RAB37: variants seen among roughly 807,000 people sequenced by gnomAD.
The protein encoded by RAB37 is RAB37, member RAS oncogene family, also known as ras-related protein Rab-37.
Under a neutral mutation model 33.1 loss-of-function variants are expected in RAB37, and 29 were observed. The observed-to-expected ratio is 0.88, with a 90% CI of 0.65 to 1.20. RAB37 has a LOEUF of 1.20. RAB37 is among the 50% of genes most tolerant of loss of function. RAB37 has a pLI of 0.00. For missense variants in RAB37, 299 were observed against 301.1 expected, an observed-to-expected ratio of 0.99 and a Z score of 0.05; for synonymous variants, 128 against 119.5, an observed-to-expected ratio of 1.07 and a Z score of -0.47.
chr17:74,714,370 G>A (rs1254451856), intron 1 of RAB37, among the ~76,000 whole-genome samples: 1 of 151,108 alleles, frequency 6.6e-6, no homozygotes, highest in Non-Finnish European at 1.5e-5. Context: ...TCCAGCCTGG[G>A]CAACAGAGCA....
intron 1 of RAB37, chr17:74,698,714 G>T: frequency 9.6e-7 from 1 of 1,043,054 alleles, no homozygotes; most frequent in African/African-American, 1.6e-5. Context: ...TGAGGATGGA[G>T]GGTGGGAGGA....
intron 1 of RAB37, among the ~76,000 whole-genome samples, chr17:74,683,455 T>A (rs1352989833): frequency 2.0e-5 from 3 of 152,186 alleles, no homozygotes; most frequent in East Asian, 3.9e-4. Flanking sequence ...CAGGGCTACA[T>A]GAACACAGAT....
At chr17:74,711,910 T>C (rs1481967335) in intron 1 of RAB37, among the ~76,000 whole-genome samples, 1 of 148,350 alleles carries the variant, frequency 6.7e-6, no homozygotes, top group South Asian at 2.1e-4. Flanking sequence ...TTTTTTCTTT[T>C]TTTTTTTTTT....
Position 74,744,361 on chromosome 17 carries a change from G to A in RAB37, c.420G>A (p.Leu140=), listed in dbSNP as rs1223782346. The A allele has an allele frequency of 6.2e-7, 1 of 1,614,036 alleles. No individual in the cohort carries two copies. Among genetic ancestry groups the A allele is most frequent in the Non-Finnish European group, 8.5e-7 (1 of 1,180,026 alleles). ...EYAQRDVVIM[L]LGNKADMSSE... ...CCCAGAGGGACGTGGTGATCATGCT[G>A]CTAGGCAACAAGGTGAGTGGCTCCG... The change falls in exon 6 of 9, where the codon CTG becomes CTA. Residue 140 remains leucine (L), a synonymous_variant. Coordinates refer to ENST00000392613, the MANE Select transcript of RAB37 (RefSeq NM_001006638.3). The surrounding 1 kb of genome is among the most constrained non-coding windows in gnomAD (Gnocchi z 4.2).
intron 1 of RAB37, among the ~76,000 whole-genome samples, chr17:74,681,479 T>C (rs1251648213): frequency 6.6e-6 from 1 of 152,154 alleles, no homozygotes; most frequent in Non-Finnish European, 1.5e-5. Context: ...GTCCAACACA[T>C]AGAAACTAAG....
At chr17:74,707,716 G>GA (rs201223906) in intron 1 of RAB37, among the ~76,000 whole-genome samples, 8,652 of 102,212 alleles carry the variant, frequency 0.085, 332 homozygotes, top group East Asian at 0.19. Flanking sequence ...CTCCATCTCA[G>GA]AAAAAAAAAA....
At chr17:74,733,576 GGTGT>G (rs1234529753), upstream of RAB37, among the ~76,000 whole-genome samples, 1 of 6,564 alleles carries the variant, frequency 1.5e-4, no homozygotes, top group African/African-American at 3.8e-4. Context: ...TGTGTGGTGA[GGTGT>G]GTGTGTCTGT....
intron 1 of RAB37, among the ~76,000 whole-genome samples, chr17:74,721,336 A>T (rs1405980719): frequency 6.6e-6 from 1 of 151,986 alleles, no homozygotes; most frequent in African/African-American, 2.4e-5. Flanking sequence ...ACTGCATTGT[A>T]TGTATATTCT....
chr17:74,711,048 A>T (rs1252212775), intron 1 of RAB37, among the ~76,000 whole-genome samples: 3 of 152,162 alleles, frequency 2.0e-5, no homozygotes, highest in Non-Finnish European at 2.9e-5. Flanking sequence ...CAAAAAAAAT[A>T]AAAAACCTTC....
At position 74,676,937 on chromosome 17, in the gene RAB37, G is replaced by C. The variant is rs1213809341; in HGVS notation, c.72+5279G>C. On this transcript the variant is annotated intron_variant, in intron 1 of 7. Coordinates refer to the RAB37 transcript ENST00000340415. The surrounding 1 kb of genome is among the most constrained non-coding windows in gnomAD (Gnocchi z 4.1). ...GGAGGCTGAGGCAGGTGGATCATGA[G>C]GTCAGGAATTCGAGACCAGCTTGGC... Among the ~76,000 whole-genome samples the C allele has an allele frequency of 6.6e-6, 1 of 152,104 alleles. No individual in the cohort carries two copies. The highest frequency in any genetic ancestry group is 6.6e-5 in the Admixed American group (1 of 15,254).
At chr17:74,683,564 G>C (rs1029631901) in intron 1 of RAB37, among the ~76,000 whole-genome samples, 1 of 152,196 alleles carries the variant, frequency 6.6e-6, no homozygotes, top group Admixed American at 6.5e-5. Flanking sequence ...CCTGCATTTG[G>C]TTTAACACTT....
rs569341725 is a variant in RAB37, at chr17:74,742,394, G to T, written c.246+99G>T. 2.0e-5 allele frequency: 19 copies of T among 941,564 alleles called. No homozygotes were observed. The Admixed American group carries it at 4.0e-4, about 20-fold the overall frequency. The allele number at this position is 941,564 out of a possible 1,614,324, so 58.3% of individuals were successfully genotyped here. On this transcript the variant is annotated intron_variant, in intron 3 of 8. Transcript: ENST00000392613. The surrounding 1 kb of genome is among the most constrained non-coding windows in gnomAD (Gnocchi z 4.0). Reference sequence around the variant, plus strand: ...GCCTGCAGCCCTGCCCTCCGCCTGGGGCAATTTCCTGTGGGGCCCACGGGA... The same window carrying T: ...GCCTGCAGCCCTGCCCTCCGCCTGGTGCAATTTCCTGTGGGGCCCACGGGA...
chr17:74,694,984 G>A (rs34071577), intron 1 of RAB37: 40,233 of 1,204,826 alleles, frequency 0.033, 1,414 homozygotes, highest in Admixed American at 0.13. Context: ...GGCTGATCAG[G>A]CAGAGGCACC....
At chr17:74,681,809 C>A (rs759103675) in intron 1 of RAB37, among the ~76,000 whole-genome samples, 4 of 152,116 alleles carry the variant, frequency 2.6e-5, no homozygotes, top group Non-Finnish European at 5.9e-5. Context: ...CCACCTGCCC[C>A]ATCCATCACT....
intron 1 of RAB37, among the ~76,000 whole-genome samples, chr17:74,688,810 G>C (rs934405333): frequency 6.6e-6 from 1 of 152,124 alleles, no homozygotes; most frequent in Admixed American, 6.5e-5. Flanking sequence ...GGCTTCATAA[G>C]TTTCTAGAAT....
intron 1 of RAB37, chr17:74,695,291 G>A: frequency 1.2e-6 from 2 of 1,610,212 alleles, no homozygotes; most frequent in Non-Finnish European, 8.5e-7. Flanking sequence ...AGGACGGCAG[G>A]AAGTGACGGT....
chr17:74,728,088 TTC>T (rs1168172710), intron 1 of RAB37, among the ~76,000 whole-genome samples: 6 of 151,998 alleles, frequency 3.9e-5, no homozygotes, highest in Non-Finnish European at 1.5e-5. Context: ...GTTTCTGAGT[TTC>T]TGTGTGTGTG....
At chr17:74,733,259 TATG>T (rs1326455131), upstream of RAB37, among the ~76,000 whole-genome samples, 1 of 152,044 alleles carries the variant, frequency 6.6e-6, no homozygotes, top group Non-Finnish European at 1.5e-5. Context: ...TTGTTTATAG[TATG>T]AGGTGCACAT....
At chr17:74,675,178 G>C (rs902125544) in intron 1 of RAB37, among the ~76,000 whole-genome samples, 2 of 152,124 alleles carry the variant, frequency 1.3e-5, no homozygotes, top group East Asian at 3.9e-4. Flanking sequence ...GCTGGGCGCA[G>C]TGGCTCCCAG....
Sources: gnomAD v4.1 joint callset for allele counts (sites outside exome capture counted in the v4.1 genomes callset) on GRCh38, gnomAD v4.1.1 for gene constraint, Gnocchi (gnomAD v3.1) non-coding constraint, MANE v1.5 for transcripts, NCBI Gene and HGNC (gene_info 2026-07-23, HGNC 2026-07-21) for gene names.